The following ALDH18A1 variants were observed in gnomAD, a reference collection of about 807,000 sequenced individuals.
ALDH18A1 encodes aldehyde dehydrogenase 18 family member A1, also known as delta-1-pyrroline-5-carboxylate synthase.
A neutral mutation model predicts 88.8 loss-of-function variants in ALDH18A1; 44 were observed. The observed-to-expected ratio is 0.50, with a 90% CI of 0.39 to 0.64. ALDH18A1 has a LOEUF of 0.64. Among genes scored for constraint, ALDH18A1 ranks in the 30% least tolerant of loss-of-function variants. The pLI is 0.00. For missense variants in ALDH18A1, 782 were observed against 1,009.5 expected (o/e 0.77, Z 3.05); for synonymous variants, 331 against 372.1 (o/e 0.89, Z 1.27).
chr10:95,651,809 A>ATAGTTTT (rs2097910856), intron 2 of ALDH18A1, among the ~76,000 whole-genome samples: 1 of 152,236 alleles, frequency 6.6e-6, no homozygotes, highest in African/African-American at 2.4e-5. Flanking sequence ...TGGTAGGGAC[A>ATAGTTTT]TACATTCAAA....
chr10:95,621,147 C>T lies in ALDH18A1; in HGVS notation c.1351G>A (p.Val451Met), dbSNP rs111344269. The change falls in exon 12 of 18, where the codon GTG (valine) becomes ATG (methionine). Residue 451 changes from valine (V) to methionine (M), a missense_variant. Val to Met is a conservative substitution (Grantham distance 21). Around this residue, in one of 3 missense-constraint regions of ALDH18A1, gnomAD observed 556 missense variants for 654.5 expected, o/e 0.85. Transcript: ENST00000371224. ...RQIAASSQDS[V>M]GRVLRRTRIA... ...CGGGTGCGGCGCAAAACACGTCCCA[C>T]GCTGTCCTGGGAGGAGGCTGCGATC... is the stretch of plus-strand genomic sequence containing the variant. 2.0e-5 allele frequency: 32 copies of T among 1,613,902 alleles called. No individual in the cohort carries two copies. Among genetic ancestry groups the T allele is most frequent in the African/African-American group, 5.3e-5 (4 of 74,852 alleles).
At chr10:95,637,510 TA>T in intron 3 of ALDH18A1, 74 bp from the exon 4 acceptor site, 1 of 1,568,460 alleles carries the variant, frequency 6.4e-7, no homozygotes, top group Non-Finnish European at 8.7e-7. Flanking sequence ...GGGATGGAGG[TA>T]GGGTGGGCTA....
chr10:95,610,487 G>A (rs573358145), intron 16 of ALDH18A1, among the ~76,000 whole-genome samples, 195 bp from the exon 17 acceptor site: 24 of 152,334 alleles, frequency 1.6e-4, no homozygotes, highest in African/African-American at 5.3e-4. Context: ...ATCAATCACG[G>A]TGTTGTGGAA....
chr10:95,644,025 C>G (rs547643683), intron 2 of ALDH18A1, among the ~76,000 whole-genome samples: 8 of 152,254 alleles, frequency 5.3e-5, no homozygotes, highest in African/African-American at 1.9e-4. Context: ...CACCTATAAT[C>G]CCAGCTACTC....
intron 17 of ALDH18A1, 28 bp from the exon 18 acceptor site, chr10:95,606,971 A>G: frequency 1.9e-6 from 3 of 1,610,302 alleles, no homozygotes; most frequent in Non-Finnish European, 2.5e-6. Context: ...TAAAAGATGT[A>G]GCTTTTCCCA....
At chr10:95,645,215 C>G (rs139620561) in intron 2 of ALDH18A1, among the ~76,000 whole-genome samples, 5 of 152,282 alleles carry the variant, frequency 3.3e-5, no homozygotes, top group Admixed American at 1.3e-4. Flanking sequence ...AGGTTCTCAG[C>G]AGGACTAAGC....
chr10:95,649,574 C>A (rs1375354090), intron 2 of ALDH18A1, among the ~76,000 whole-genome samples: 1 of 151,886 alleles, frequency 6.6e-6, no homozygotes, highest in African/African-American at 2.4e-5. Context: ...TCAGGATGGT[C>A]TCGATATCCT....
intron 13 of ALDH18A1, among the ~76,000 whole-genome samples, chr10:95,615,071 C>T (rs2097841921): frequency 6.6e-6 from 1 of 152,064 alleles, no homozygotes; most frequent in African/African-American, 2.4e-5. Flanking sequence ...TGGCACATTC[C>T]CAGCACTTTG....
intron 17 of ALDH18A1, among the ~76,000 whole-genome samples, chr10:95,609,944 A>AT (rs1208739018): frequency 8.6e-5 from 13 of 151,674 alleles, no homozygotes; most frequent in African/African-American, 3.2e-4. Context: ...AATTTTTTGC[A>AT]TTTTTAGTAG....
Position 95,630,345 on chromosome 10 carries a change from T to G in ALDH18A1, c.809-1853A>C, listed in dbSNP as rs1189105691. Among the ~76,000 whole-genome samples the G allele has an allele frequency of 3.3e-5, 5 of 152,350 alleles. No homozygotes were observed. In the East Asian group the frequency reaches 5.8e-4, roughly 18 times the overall value. On this transcript the variant is annotated intron_variant, in intron 7 of 17. Coordinates refer to ENST00000371224, the MANE Select transcript of ALDH18A1 (RefSeq NM_002860.4). ...CTACCCACTACCTACTTTGTAGGGT[T>G]GCTATAAAGATTGAATAAATTACAT... is the stretch of plus-strand genomic sequence containing the variant.
At chr10:95,614,361 A>C (rs1289735477) in intron 13 of ALDH18A1, among the ~76,000 whole-genome samples, 200 bp from the exon 14 acceptor site, 1 of 152,224 alleles carries the variant, frequency 6.6e-6, no homozygotes, top group Admixed American at 6.5e-5. Flanking sequence ...CAAACACTAT[A>C]TACTCGGTGC....
rs1199223319 is a variant in ALDH18A1 at position 95,613,984 on chromosome 10, C to T, written c.1783G>A (p.Asp595Asn). ...HMYVDSEASV[D>N]KVTRLVRDSK... ...AGCTCACCTAGCCTGGTGACCTTAT[C>T]AACACTGGCCTCGGAATCCACATAC... is the stretch of plus-strand genomic sequence containing the variant. The change falls in exon 14 of 18, where the codon GAT (aspartate) becomes AAT (asparagine). Residue 595 changes from aspartate to asparagine, a missense_variant. Asp to Asn is a conservative substitution (Grantham distance 23). Coordinates refer to ENST00000371224, the MANE Select transcript of ALDH18A1 (RefSeq NM_002860.4). 2.5e-6 allele frequency: 4 copies of T among 1,614,094 alleles called. No homozygotes were observed. The highest frequency in any genetic ancestry group is 3.4e-6 in the Non-Finnish European group (4 of 1,180,042).
In ALDH18A1 at chr10:95,625,371, C is replaced by G. The variant is rs147348068; in HGVS notation, c.1237G>C (p.Glu413Gln). ...ATTGCCTGGTCTTTACCCTCTGCCT[C>G]CTCCAAGTCTTTTTTGTTGGCTAAC... is the stretch of plus-strand genomic sequence containing the variant. ...ILLANKKDLE[E>Q]AEGRLAAPLL... is the part of the protein sequence containing the mutation. Residue 413 changes from glutamate (E) to glutamine (Q), a missense_variant, in exon 11 of 18, where the codon GAG becomes CAG. This residue lies in a region of ALDH18A1 where 556 missense variants were observed against 654.5 expected (regional missense o/e 0.85). Transcript: ENST00000371224. 1.9e-6 allele frequency: 3 copies of G among 1,613,972 alleles called. No homozygotes were observed. Among genetic ancestry groups the G allele is most frequent in the Non-Finnish European group, 2.5e-6 (3 of 1,179,964 alleles).
chr10:95,653,048 C>T (rs2097912889), intron 2 of ALDH18A1, among the ~76,000 whole-genome samples: 1 of 151,494 alleles, frequency 6.6e-6, no homozygotes, highest in Admixed American at 6.6e-5. Flanking sequence ...TTAGAGTCAG[C>T]GCGGTGGTGT....
rs757733068 is a variant in ALDH18A1 at position 95,621,250 on chromosome 10, C to T, written c.1248G>A (p.Gly416=). Residue 416 remains glycine (G), a splice_region_variant and synonymous_variant, in exon 12 of 18, where the codon GGG becomes GGA. Coordinates refer to ENST00000371224, the MANE Select transcript of ALDH18A1 (RefSeq NM_002860.4). The part of the protein sequence containing the change: ...ANKKDLEEAE[G]RLAAPLLKRL... ...GTTTCAGCAGAGGAGCTGCAAGTCTCCCTGAAAAGCCATTAAGAGGATATG... is the reference window on the plus strand; with the variant it reads ...GTTTCAGCAGAGGAGCTGCAAGTCTTCCTGAAAAGCCATTAAGAGGATATG... The T allele has an allele frequency of 1.8e-5, 29 of 1,611,436 alleles. 1 individual carries two copies. The highest frequency in any genetic ancestry group is 6.7e-5 in the East Asian group (3 of 44,810).
intron 3 of ALDH18A1, among the ~76,000 whole-genome samples, chr10:95,640,632 G>A (rs1384904275): frequency 1.3e-5 from 2 of 152,132 alleles, no homozygotes; most frequent in African/African-American, 2.4e-5. Context: ...GTAAGCCACT[G>A]TGCCCAGCTG....
chr10:95,629,595 G>C (rs965725397), intron 7 of ALDH18A1, among the ~76,000 whole-genome samples: 9 of 152,118 alleles, frequency 5.9e-5, no homozygotes, highest in African/African-American at 2.2e-4. Context: ...AAGATACAGT[G>C]CTATGAGATC....
chr10:95,616,453 C>G, intron 13 of ALDH18A1, 24 bp downstream of exon 13: 1 of 1,556,174 alleles, frequency 6.4e-7, no homozygotes, highest in Non-Finnish European at 8.7e-7. Context: ...CTGGGCCTGA[C>G]TTGGTGCATT....
Position 95,621,127 on chromosome 10 carries a change from G to A in ALDH18A1, c.1371C>T (p.Arg457=), listed in dbSNP as rs774430779. ...SQDSVGRVLR[R]TRIAKNLELE... ...GTTCCAAGTTTTTGGCGATTCGGGT[G>A]CGGCGCAAAACACGTCCCACGCTGT... Residue 457 remains arginine, a synonymous_variant, in exon 12 of 18, where the codon CGC becomes CGT. Transcript: ENST00000371224. The A allele has an allele frequency of 2.5e-6, 4 of 1,614,058 alleles. No individual in the cohort carries two copies. The highest frequency in any genetic ancestry group is 1.7e-5 in the Admixed American group (1 of 60,018).
Sources: gnomAD v4.1 joint callset for allele counts (sites outside exome capture counted in the v4.1 genomes callset) on GRCh38, gnomAD v4.1.1 for gene constraint, gnomAD v4.1.1 regional missense constraint, MANE v1.5 for transcripts, NCBI Gene and HGNC (gene_info 2026-07-23, HGNC 2026-07-21) for gene names.